SH3PXD2B: variants seen among roughly 807,000 people sequenced by gnomAD.
SH3PXD2B encodes SH3 and PX domains 2B, also known as SH3 and PX domain-containing protein 2B.
A neutral mutation model predicts 73.1 loss-of-function variants in SH3PXD2B; 37 were observed. The ratio of observed to expected loss-of-function variants is 0.51; its 90% CI spans 0.39 to 0.67. The LOEUF (loss-of-function observed/expected upper bound fraction) is 0.67. SH3PXD2B is among the 30% of genes least tolerant of loss of function. The probability of loss-of-function intolerance (pLI) is 0.00; values close to 1 mark genes in which losing one functional copy is unlikely to be tolerated. For synonymous variants in SH3PXD2B, 457 were observed against 480.5 expected, an observed-to-expected ratio of 0.95 and a Z score of 0.64; for missense variants, 1,053 against 1,197.8, an observed-to-expected ratio of 0.88 and a Z score of 1.78.
rs13362047 is a variant in SH3PXD2B at position 172,423,554 on chromosome 5, G to C, written c.76-1058C>G. ...CACTTGGATACGGGGTTGGGGGGGGGGGCGCACATTCTCTGTTCATGGTGA... is the reference window on the plus strand; with the variant it reads ...CACTTGGATACGGGGTTGGGGGGGGCGGCGCACATTCTCTGTTCATGGTGA... On this transcript the variant is annotated intron_variant, in intron 1 of 12. Transcript: ENST00000311601. Among the ~76,000 whole-genome samples the C allele has an allele frequency of 4.0e-3, 578 of 144,720 alleles. 9 individuals carry two copies. The highest frequency in any genetic ancestry group is 5.1e-3 in the Admixed American group (76 of 14,780). The allele number at this position is 144,720 out of a possible 152,430, so 94.9% of individuals were successfully genotyped here. A position where few individuals can be genotyped will look rare whatever the true frequency, so the allele number is the denominator to read the frequency against.
chr5:172,371,279 G>T (rs1267095939), intron 6 of SH3PXD2B, among the ~76,000 whole-genome samples: 2 of 152,194 alleles, frequency 1.3e-5, no homozygotes, highest in Non-Finnish European at 2.9e-5. Context: ...AAATCAGGAA[G>T]AAATATGTTC....
At chr5:172,437,038 T>C (rs1759406257) in intron 1 of SH3PXD2B, among the ~76,000 whole-genome samples, 1 of 152,056 alleles carries the variant, frequency 6.6e-6, no homozygotes, top group Non-Finnish European at 1.5e-5. Flanking sequence ...TGGGAAGAGC[T>C]TGGGAGTTAG....
chr5:172,376,186 C>T (rs1025532886), intron 5 of SH3PXD2B, among the ~76,000 whole-genome samples: 5 of 152,182 alleles, frequency 3.3e-5, no homozygotes, highest in Admixed American at 6.5e-5. Flanking sequence ...CCCACCACCA[C>T]GCCTGGCTCT....
At chr5:172,325,752 C>T (rs1478671306) in intron 12 of SH3PXD2B, among the ~76,000 whole-genome samples, 1 of 152,090 alleles carries the variant, frequency 6.6e-6, no homozygotes, top group Non-Finnish European at 1.5e-5. Flanking sequence ...GCTTAAAGGC[C>T]CTGCCTGGTT....
Position 172,338,946 on chromosome 5 carries a change from C to A in SH3PXD2B, c.2159G>T (p.Ser720Ile). The A allele has an allele frequency of 6.2e-7, 1 of 1,614,180 alleles. No homozygotes were observed. Among genetic ancestry groups the A allele is most frequent in the Non-Finnish European group, 8.5e-7 (1 of 1,180,010 alleles). The part of the protein sequence containing the change: ...QDRTGKQDGL[S>I]PKEISCRAPP... ...GGCTCTGCAGGAAATCTCTTTTGGGCTGAGACCATCCTGTTTGCCCGTCCT... is the reference window on the plus strand; with the variant it reads ...GGCTCTGCAGGAAATCTCTTTTGGGATGAGACCATCCTGTTTGCCCGTCCT... The change falls in exon 13 of 13, where the codon AGC becomes ATC. Residue 720 changes from serine (S) to isoleucine (I), a missense_variant. Ser to Ile is a moderately radical substitution (Grantham distance 142). This residue lies in a region of SH3PXD2B where 587 missense variants were observed against 590.7 expected (regional missense o/e 0.99). Coordinates refer to ENST00000311601, the MANE Select transcript of SH3PXD2B (RefSeq NM_001017995.3). This position sits in a 1 kb window ranked among gnomAD's most constrained non-coding sequence, Gnocchi z 5.1.
chr5:172,334,371 C>T lies in SH3PXD2B; in HGVS notation c.*3998G>A, dbSNP rs548817280. On this transcript the variant is annotated 3_prime_UTR_variant, in exon 13 of 13. Coordinates refer to ENST00000311601, the MANE Select transcript of SH3PXD2B (RefSeq NM_001017995.3). The stretch of plus-strand genomic sequence containing the variant: ...GCAATTCCTCCAGGCCAAGAGAGGG[C>T]GCCCTGCACCCTCAGGCCTCGATGC... The T allele has an allele frequency of 2.0e-4, 202 of 992,524 alleles. No individual in the cohort carries two copies. Among genetic ancestry groups the T allele is most frequent in the Middle Eastern group, 5.2e-4 (1 of 1,938 alleles). The allele number at this position is 992,524 out of a possible 1,614,324, so 61.5% of individuals were successfully genotyped here.
chr5:172,389,529 G>A (rs1475806799), intron 4 of SH3PXD2B, among the ~76,000 whole-genome samples: 2 of 135,614 alleles, frequency 1.5e-5, no homozygotes, highest in African/African-American at 5.7e-5. Context: ...CTAGGAATTC[G>A]AGACCAGCCT....
chr5:172,441,777 G>T (rs533667667), intron 1 of SH3PXD2B, among the ~76,000 whole-genome samples: 1 of 152,116 alleles, frequency 6.6e-6, no homozygotes, highest in Non-Finnish European at 1.5e-5. Flanking sequence ...AACTAGATAG[G>T]AATGTAAAGG....
intron 1 of SH3PXD2B, among the ~76,000 whole-genome samples, chr5:172,441,866 A>C (rs1409718016): frequency 1.3e-5 from 2 of 152,102 alleles, no homozygotes; most frequent in Non-Finnish European, 1.5e-5. Context: ...CCATGAAATC[A>C]CATGTGGTTT....
intron 9 of SH3PXD2B, among the ~76,000 whole-genome samples, chr5:172,352,670 G>A (rs551160800): frequency 6.6e-6 from 1 of 152,288 alleles, no homozygotes; most frequent in East Asian, 1.9e-4. Flanking sequence ...TGCTATTCTC[G>A]TGATAGTGAA....
chr5:172,436,286 C>T (rs112474068), intron 1 of SH3PXD2B, among the ~76,000 whole-genome samples: 1 of 152,204 alleles, frequency 6.6e-6, no homozygotes, highest in South Asian at 2.1e-4. Context: ...GGCCATCCAC[C>T]CCAGTTTCCA....
chr5:172,428,312 G>A (rs1759150300), intron 1 of SH3PXD2B, among the ~76,000 whole-genome samples: 1 of 152,172 alleles, frequency 6.6e-6, no homozygotes. Flanking sequence ...ACATATGGAG[G>A]GCAAGGAAGC....
chr5:172,424,198 T>A (rs1759040558), intron 1 of SH3PXD2B, among the ~76,000 whole-genome samples: 1 of 152,216 alleles, frequency 6.6e-6, no homozygotes, highest in South Asian at 2.1e-4. Flanking sequence ...CTGTCTTGAA[T>A]AACTTTTGTG....
rs922713885 is a variant in SH3PXD2B, at chr5:172,406,369, T to C, written c.157-17A>G. 3.1e-6 allele frequency: 5 copies of C among 1,613,748 alleles called. No individual in the cohort carries two copies. Among genetic ancestry groups the C allele is most frequent in the Non-Finnish European group, 4.2e-6 (5 of 1,179,870 alleles). On this transcript the variant is annotated splice_polypyrimidine_tract_variant and intron_variant, in intron 2 of 12. Coordinates refer to ENST00000311601, the MANE Select transcript of SH3PXD2B (RefSeq NM_001017995.3). ...CATCTGCATCTAAGTGGGGGGCGAA[T>C]ACCAAAAACAAAAACCTTTCATAAT...
intron 6 of SH3PXD2B, among the ~76,000 whole-genome samples, chr5:172,368,695 TAA>T (rs1491111448): frequency 1.5e-5 from 1 of 66,680 alleles, no homozygotes; most frequent in Non-Finnish European, 2.4e-5. Context: ...GTTATATATA[TAA>T]AATATATATA....
At chr5:172,454,148 A>G in intron 1 of SH3PXD2B, 130 bp downstream of exon 1, 1 of 590,850 alleles carries the variant, frequency 1.7e-6, no homozygotes. Flanking sequence ...GCGCCGCCGC[A>G]GAGCCGAGGG....
chr5:172,359,407 A>G (rs973272005), intron 7 of SH3PXD2B, among the ~76,000 whole-genome samples: 3 of 147,284 alleles, frequency 2.0e-5, no homozygotes, highest in African/African-American at 7.5e-5. Context: ...AAAAAAAAAA[A>G]GTATAAAGAA....
At chr5:172,422,296 T>G in intron 2 of SH3PXD2B, 120 bp downstream of exon 2, 2 of 941,552 alleles carry the variant, frequency 2.1e-6, no homozygotes, top group Non-Finnish European at 3.3e-6. Context: ...CGCCCAGCCA[T>G]GGATGTCATT....
intron 2 of SH3PXD2B, among the ~76,000 whole-genome samples, chr5:172,411,104 G>C (rs10073577): frequency 0.062 from 9,367 of 152,276 alleles, 433 homozygotes; most frequent in African/African-American, 0.13. Flanking sequence ...ATCAGTCTCA[G>C]CTGTGGAGTA....
Sources: gnomAD v4.1 joint callset for allele counts (sites outside exome capture counted in the v4.1 genomes callset) on GRCh38, gnomAD v4.1.1 for gene constraint, gnomAD v4.1.1 regional missense constraint, Gnocchi (gnomAD v3.1) non-coding constraint, MANE v1.5 for transcripts, NCBI Gene and HGNC (gene_info 2026-07-23, HGNC 2026-07-21) for gene names.